The following DNAJC10 variants were observed in gnomAD, a reference collection of about 807,000 sequenced individuals.
DNAJC10 encodes the protein endoplasmic reticulum disulfide reductase DNAJC10.
A neutral mutation model predicts 115.0 loss-of-function variants in DNAJC10; 101 were observed. The observed-to-expected ratio is 0.88, with a 90% CI of 0.75 to 1.04. DNAJC10 has a LOEUF of 1.04. Ranked by LOEUF, DNAJC10 falls within the 50% of genes least tolerant of loss-of-function variation. The pLI, the probability that DNAJC10 is intolerant of heterozygous loss-of-function variation, is 0.00. For missense variants in DNAJC10, 981 were observed against 928.8 expected (o/e 1.06, Z -0.73); for synonymous variants, 307 against 301.5 (o/e 1.02, Z -0.19).
At chr2:182,733,657 T>C (rs1327433396) in intron 10 of DNAJC10, among the ~76,000 whole-genome samples, 1 of 149,936 alleles carries the variant, frequency 6.7e-6, no homozygotes, top group Non-Finnish European at 1.5e-5. Flanking sequence ...TTGGAAACAG[T>C]TTCTGTACAA....
chr2:182,765,413 A>T (rs764729988), intron 22 of DNAJC10, among the ~76,000 whole-genome samples: 1 of 152,192 alleles, frequency 6.6e-6, no homozygotes, highest in African/African-American at 2.4e-5. Context: ...GATTTAAAAC[A>T]TGACTCCAAT....
chr2:182,737,189 TTGAG>T (rs1167116991), intron 11 of DNAJC10, among the ~76,000 whole-genome samples: 1 of 152,184 alleles, frequency 6.6e-6, no homozygotes, highest in Non-Finnish European at 1.5e-5. Flanking sequence ...CTCCTTAAGT[TTGAG>T]TGAGGAAACT....
In DNAJC10 at chr2:182,718,944, T is replaced by C. The variant is rs569172891; in HGVS notation, c.204+654T>C. 2.0e-5 allele frequency among the ~76,000 whole-genome samples: 3 copies of C among 152,226 alleles called. No individual in the cohort carries two copies. In the East Asian group the frequency reaches 5.8e-4, roughly 29 times the overall value. ...ACAAGAAGACATAGTTATAATTTTC[T>C]CTTTTCTAGGTAGAAGTTTTAAAAT... On this transcript the variant is annotated intron_variant, in intron 3 of 23. Coordinates refer to ENST00000264065, the MANE Select transcript of DNAJC10 (RefSeq NM_018981.4).
At chr2:182,765,619 C>G (rs149191943) in intron 22 of DNAJC10, among the ~76,000 whole-genome samples, 4 of 152,248 alleles carry the variant, frequency 2.6e-5, no homozygotes, top group Non-Finnish European at 5.9e-5. Context: ...TTTAGCTGTC[C>G]CCAGGTAGTG....
At chr2:182,767,529 A>T (rs1353978629) in intron 22 of DNAJC10, among the ~76,000 whole-genome samples, 1 of 152,142 alleles carries the variant, frequency 6.6e-6, no homozygotes, top group Non-Finnish European at 1.5e-5. Flanking sequence ...CCTTACTGGG[A>T]TTCCTCGAAA....
intron 5 of DNAJC10, among the ~76,000 whole-genome samples, chr2:182,727,434 T>C (rs923255264): frequency 6.6e-6 from 1 of 152,246 alleles, no homozygotes; most frequent in African/African-American, 2.4e-5. Context: ...ATTCTGTTAA[T>C]ATTTTTACCT....
In DNAJC10 at chr2:182,728,911, G is replaced by A. The variant is rs141962408; in HGVS notation, c.550G>A (p.Val184Ile). 37 of 1,613,994 alleles carry A rather than the reference G, an allele frequency of 2.3e-5. No homozygotes were observed. The African/African-American group carries it at 4.0e-4, about 17-fold the overall frequency. The change falls in exon 7 of 24, where the codon GTT (valine) becomes ATT (isoleucine). Residue 184 changes from valine to isoleucine, a missense_variant. Physicochemically the swap from Val to Ile is conservative, Grantham distance 29 (BLOSUM62 3). Coordinates refer to ENST00000264065, the MANE Select transcript of DNAJC10 (RefSeq NM_018981.4). ...GGATGGGTTACTTCGAATTGGAGCT[G>A]TTAACTGTGGTGATGATAGAATGCT... ...EVDGLLRIGA[V>I]NCGDDRMLCR...
At chr2:182,764,322 T>C (rs2105692162) in intron 22 of DNAJC10, among the ~76,000 whole-genome samples, 1 of 152,306 alleles carries the variant, frequency 6.6e-6, no homozygotes, top group Admixed American at 6.5e-5. Context: ...TCACTGAGGC[T>C]GTGTGAATAG....
intron 5 of DNAJC10, among the ~76,000 whole-genome samples, chr2:182,724,624 A>C (rs963954025): frequency 6.6e-6 from 1 of 151,264 alleles, no homozygotes; most frequent in African/African-American, 2.5e-5. Flanking sequence ...GGAAAAAGTT[A>C]ATCTGTACCT....
At chr2:182,736,534 C>A in intron 11 of DNAJC10, 148 bp downstream of exon 11, 1 of 465,062 alleles carries the variant, frequency 2.2e-6, no homozygotes. Flanking sequence ...TACTTAATTT[C>A]TGAGATTCTT....
chr2:182,741,305 T>G lies in DNAJC10; in HGVS notation c.1140T>G (p.Asn380Lys), dbSNP rs1334894615. 6.2e-7 allele frequency: 1 copy of G among 1,605,664 alleles called. No individual in the cohort carries two copies. Among genetic ancestry groups the G allele is most frequent in the Admixed American group, 1.7e-5 (1 of 58,580 alleles). Residue 380 changes from asparagine to lysine, a missense_variant, in exon 13 of 24, where the codon AAT (asparagine) becomes AAG (lysine). Asn to Lys is a moderately conservative substitution (Grantham distance 94). Transcript: ENST00000264065. ...ATTTTGGAAAAAATGAAAATTCAAATGATCCTGAGCTGAAAAAACTAAAAA... is the reference window on the plus strand; with the variant it reads ...ATTTTGGAAAAAATGAAAATTCAAAGGATCCTGAGCTGAAAAAACTAAAAA... ...FFHFGKNENS[N>K]DPELKKLKTL...
intron 21 of DNAJC10, among the ~76,000 whole-genome samples, chr2:182,760,087 T>C (rs1694253254): frequency 6.6e-6 from 1 of 152,182 alleles, no homozygotes; most frequent in African/African-American, 2.4e-5. Flanking sequence ...GAGCTCTATC[T>C]CTATTGTCCA....
intron 11 of DNAJC10, 135 bp from the exon 12 acceptor site, chr2:182,740,164 G>T: frequency 1.7e-6 from 2 of 1,161,616 alleles, no homozygotes; most frequent in Non-Finnish European, 2.2e-6. Context: ...AAAGACATTT[G>T]GAATTGTTTG....
At chr2:182,750,923 C>T (rs554570076) in intron 14 of DNAJC10, among the ~76,000 whole-genome samples, 3 of 152,128 alleles carry the variant, frequency 2.0e-5, no homozygotes, top group Admixed American at 6.5e-5. Flanking sequence ...TTGTGTTTGA[C>T]GTGTTTACGT....
chr2:182,757,155 G>T (rs931417452), intron 18 of DNAJC10, among the ~76,000 whole-genome samples: 5 of 152,086 alleles, frequency 3.3e-5, no homozygotes, highest in Non-Finnish European at 7.4e-5. Context: ...AGTTGTAGAA[G>T]ATTGGAAACA....
chr2:182,774,868 C>T (rs912932597), intron 22 of DNAJC10, among the ~76,000 whole-genome samples: 3 of 152,254 alleles, frequency 2.0e-5, no homozygotes, highest in Admixed American at 6.5e-5. Context: ...GGGCTGCACC[C>T]ACTGTCCAAC....
chr2:182,723,544 A>G (rs775509287), intron 5 of DNAJC10, among the ~76,000 whole-genome samples: 1 of 152,216 alleles, frequency 6.6e-6, no homozygotes, highest in Non-Finnish European at 1.5e-5. Context: ...ATTAATGCTC[A>G]TGTCACAAGC....
At chr2:182,725,767 A>G (rs533663072) in intron 5 of DNAJC10, among the ~76,000 whole-genome samples, 7 of 152,326 alleles carry the variant, frequency 4.6e-5, no homozygotes, top group South Asian at 2.1e-4. Context: ...AGCTGCAGCA[A>G]GTTTTCCAGA....
rs1156246121 is a variant in DNAJC10, at chr2:182,788,766, C to A, written c.*11634C>A. The A allele has an allele frequency of 2.2e-6, 1 of 451,642 alleles. No individual in the cohort carries two copies. The highest frequency in any genetic ancestry group is 2.0e-5 in the African/African-American group (1 of 49,686). The allele number at this position is 451,642 out of a possible 1,614,324, so 28.0% of individuals were successfully genotyped here. A position where few individuals can be genotyped will look rare whatever the true frequency, so the allele number is the denominator to read the frequency against. The stretch of plus-strand genomic sequence containing the variant: ...TGGGAAAACGGAAAGGTAGACTATT[C>A]AGAAGTTTTCTAAAATGGACTTCAA... On this transcript the variant is annotated 3_prime_UTR_variant, in exon 24 of 24. Transcript: ENST00000264065.
Sources: gnomAD v4.1 joint callset for allele counts (sites outside exome capture counted in the v4.1 genomes callset) on GRCh38, gnomAD v4.1.1 for gene constraint, MANE v1.5 for transcripts, NCBI Gene and HGNC (gene_info 2026-07-23, HGNC 2026-07-21) for gene names.